MACROD2: variants seen among roughly 807,000 people sequenced by gnomAD.
MACROD2 encodes the protein ADP-ribose glycohydrolase MACROD2.
A neutral mutation model predicts 70.4 loss-of-function variants in MACROD2; 36 were observed. The ratio of observed to expected loss-of-function variants is 0.51; its 90% CI spans 0.39 to 0.68. The LOEUF (loss-of-function observed/expected upper bound fraction) is 0.68. Ranked by LOEUF, MACROD2 falls within the 30% of genes least tolerant of loss-of-function variation. The probability of loss-of-function intolerance (pLI) is 0.00; values close to 1 mark genes in which losing one functional copy is unlikely to be tolerated. For synonymous variants in MACROD2, 172 were observed against 178.8 expected (o/e 0.96, Z 0.30); for missense variants, 496 against 538.4 (o/e 0.92, Z 0.78).
chr20:14,213,641 G>A (rs1458198445), intron 3 of MACROD2, among the ~76,000 whole-genome samples: 1 of 151,942 alleles, frequency 6.6e-6, no homozygotes, highest in African/African-American at 2.4e-5. Context: ...TTGCCTTTTT[G>A]TTAAATTTTT....
chr20:15,198,200 C>CCACCCG (rs1468737201), intron 5 of MACROD2, among the ~76,000 whole-genome samples: 3 of 152,042 alleles, frequency 2.0e-5, no homozygotes, highest in Non-Finnish European at 4.4e-5. Context: ...ACCTCGTGAT[C>CCACCCG]CACCCGCCTC....
At chr20:14,204,100 C>T (rs1601344715) in intron 3 of MACROD2, among the ~76,000 whole-genome samples, 1 of 152,234 alleles carries the variant, frequency 6.6e-6, no homozygotes, top group East Asian at 1.9e-4. Flanking sequence ...GACTAGTCCC[C>T]AGGCTTCCTG....
At chr20:15,207,446 T>G (rs1018134863) in intron 5 of MACROD2, among the ~76,000 whole-genome samples, 1 of 136,294 alleles carries the variant, frequency 7.3e-6, no homozygotes, top group Non-Finnish European at 1.6e-5. Flanking sequence ...GTTTTTTTTT[T>G]TTTTTTTTTT....
intron 5 of MACROD2, among the ~76,000 whole-genome samples, chr20:15,019,815 A>C (rs1171847945): frequency 6.6e-6 from 1 of 152,198 alleles, no homozygotes; most frequent in African/African-American, 2.4e-5. Flanking sequence ...TTGTGTACCA[A>C]GAGGTAAAAT....
At chr20:15,313,379 C>T (rs1029249801) in intron 6 of MACROD2, among the ~76,000 whole-genome samples, 34 of 151,776 alleles carry the variant, frequency 2.2e-4, no homozygotes, top group Admixed American at 6.6e-4. Flanking sequence ...TGGTGGCGGG[C>T]GCCTGTAGTC....
intron 4 of MACROD2, among the ~76,000 whole-genome samples, chr20:14,552,789 A>G (rs1457873059): frequency 6.6e-6 from 1 of 152,132 alleles, no homozygotes; most frequent in Non-Finnish European, 1.5e-5. Flanking sequence ...TACAGTAAAA[A>G]TTTGACACAA....
chr20:15,372,193 T>C (rs1275770924), intron 6 of MACROD2, among the ~76,000 whole-genome samples: 2 of 152,216 alleles, frequency 1.3e-5, no homozygotes, highest in African/African-American at 4.8e-5. Context: ...AGGGAACATC[T>C]TTGCACACAT....
chr20:15,604,290 T>G (rs2048863481), intron 8 of MACROD2, among the ~76,000 whole-genome samples: 1 of 152,252 alleles, frequency 6.6e-6, no homozygotes, highest in African/African-American at 2.4e-5. Flanking sequence ...TCCTCCCTCT[T>G]TCCATCTTTT....
chr20:14,456,873 C>T lies in MACROD2; in HGVS notation c.272-36606C>T, dbSNP rs139629238. Among the ~76,000 whole-genome samples the T allele has an allele frequency of 6.9e-4, 104 of 151,480 alleles. 2 individuals are homozygous for T. The highest frequency in any genetic ancestry group is 2.4e-3 in the African/African-American group (99 of 40,888). On this transcript the variant is annotated intron_variant, in intron 3 of 17. Transcript: ENST00000684519. ...CTGGGACTACAGGTGCCCACCACCA[C>T]GCCCGGCCAACTTTTTTGTATTTTT...
intron 3 of MACROD2, among the ~76,000 whole-genome samples, chr20:14,173,802 ACAGGGTGCTCCCTT>A (rs1307021474): frequency 6.6e-6 from 1 of 152,124 alleles, no homozygotes; most frequent in Non-Finnish European, 1.5e-5. Context: ...CTGCTGTCCC[ACAGGGTGCTCCCTT>A]GATGTGGTGC....
intron 2 of MACROD2, among the ~76,000 whole-genome samples, chr20:14,081,848 T>C (rs2053998988): frequency 1.3e-5 from 2 of 152,220 alleles, no homozygotes; most frequent in Admixed American, 1.3e-4. Context: ...TTTGGCATAC[T>C]ATGTGAGGAA....
chr20:14,716,999 A>G (rs1353301990), intron 5 of MACROD2, among the ~76,000 whole-genome samples: 1 of 152,160 alleles, frequency 6.6e-6, no homozygotes, highest in African/African-American at 2.4e-5. Flanking sequence ...ACAAAGAAAT[A>G]AAAACTCTTC....
At chr20:15,377,604 C>T (rs1265508109) in intron 6 of MACROD2, among the ~76,000 whole-genome samples, 1 of 152,202 alleles carries the variant, frequency 6.6e-6, no homozygotes, top group Admixed American at 6.5e-5. Context: ...CAAAGTCTAA[C>T]ATGTTTCCAG....
At chr20:14,212,517 C>G (rs959207819) in intron 3 of MACROD2, among the ~76,000 whole-genome samples, 7 of 152,092 alleles carry the variant, frequency 4.6e-5, no homozygotes, top group African/African-American at 1.7e-4. Context: ...TTCGCCTTCT[C>G]TCAGTGCTTC....
chr20:15,647,838 G>A (rs1337954238), intron 8 of MACROD2, among the ~76,000 whole-genome samples: 1 of 151,684 alleles, frequency 6.6e-6, no homozygotes, highest in Admixed American at 6.6e-5. Flanking sequence ...TCCTGCCTCA[G>A]TCTCCCAAGT....
chr20:14,081,688 G>A (rs188757715), intron 2 of MACROD2, among the ~76,000 whole-genome samples: 30 of 152,304 alleles, frequency 2.0e-4, no homozygotes, highest in African/African-American at 7.0e-4. Context: ...AAATAAAAGA[G>A]GTGGCCTCTA....
chr20:15,355,132 C>T (rs1484737341), intron 6 of MACROD2, among the ~76,000 whole-genome samples: 1 of 152,128 alleles, frequency 6.6e-6, no homozygotes, highest in Non-Finnish European at 1.5e-5. Context: ...TGCATTAACC[C>T]ACTGGAGTTG....
chr20:15,380,182 A>T (rs1216460879), intron 6 of MACROD2, among the ~76,000 whole-genome samples: 3 of 48,096 alleles, frequency 6.2e-5, no homozygotes, highest in African/African-American at 4.4e-4. Context: ...ACCATCATTT[A>T]AAAAAACCCT....
intron 4 of MACROD2, among the ~76,000 whole-genome samples, chr20:14,640,494 A>G (rs1292648896): frequency 2.0e-5 from 3 of 152,168 alleles, no homozygotes; most frequent in Non-Finnish European, 4.4e-5. Flanking sequence ...GAGGAGCTTT[A>G]TAGTCTACTG....
Sources: allele counts gnomAD v4.1 joint callset (sites outside exome capture counted in the v4.1 genomes callset), GRCh38; gene constraint gnomAD v4.1.1; transcripts MANE v1.5; gene names NCBI Gene and HGNC (gene_info 2026-07-23, HGNC 2026-07-21).